The following NRXN1 variants were observed in gnomAD, a reference collection of about 807,000 sequenced individuals.
The protein encoded by NRXN1 is neurexin 1.
Under a neutral mutation model 150.9 loss-of-function variants are expected in NRXN1, and 39 were observed. The observed-to-expected ratio is 0.26, with a 90% confidence interval of 0.20 to 0.34. The LOEUF (loss-of-function observed/expected upper bound fraction) is 0.34. NRXN1 is among the 10% of genes least tolerant of loss of function. The probability of loss-of-function intolerance (pLI) is 1.00; values close to 1 mark genes in which losing one functional copy is unlikely to be tolerated. For synonymous variants in NRXN1, 924 were observed against 757.0 expected (o/e 1.22, Z -3.62); for missense variants, 1,815 against 1,949.9 (o/e 0.93, Z 1.30).
intron 21 of NRXN1, among the ~76,000 whole-genome samples, chr2:50,022,379 T>C (rs1029743756): frequency 3.3e-5 from 5 of 152,228 alleles, no homozygotes; most frequent in Non-Finnish European, 7.3e-5. Context: ...CCTTAGTACT[T>C]TCTGATTTAA....
intron 5 of NRXN1, among the ~76,000 whole-genome samples, chr2:50,897,741 A>T (rs1190175798): frequency 6.6e-6 from 1 of 152,180 alleles, no homozygotes; most frequent in African/African-American, 2.4e-5. Context: ...GTGGTTGCCC[A>T]GATCCAAGGG....
chr2:50,056,677 T>C (rs956114345), intron 19 of NRXN1, among the ~76,000 whole-genome samples: 1 of 152,110 alleles, frequency 6.6e-6, no homozygotes, highest in Admixed American at 6.6e-5. Context: ...TATGCATATT[T>C]GGAATTTTTT....
intron 21 of NRXN1, among the ~76,000 whole-genome samples, chr2:49,971,975 T>G (rs550551238): frequency 6.6e-5 from 10 of 152,302 alleles, no homozygotes; most frequent in African/African-American, 2.4e-4. Flanking sequence ...CTACATTAAT[T>G]AATGTATTAA....
At chr2:50,980,178 C>T (rs1696562376) in intron 2 of NRXN1, among the ~76,000 whole-genome samples, 1 of 152,156 alleles carries the variant, frequency 6.6e-6, no homozygotes, top group East Asian at 1.9e-4. Flanking sequence ...TTTCTTAGCT[C>T]ACTGCAACCT....
In NRXN1 at chr2:50,497,504, A is replaced by G; in HGVS notation, c.2708T>C (p.Ile903Thr). The change falls in exon 14 of 23, where the codon ATA becomes ACA. Residue 903 changes from isoleucine (I) to threonine (T), a missense_variant. Around this residue, in one of 6 missense-constraint regions of NRXN1, gnomAD observed 339 missense variants for 440.3 expected, o/e 0.77. Coordinates refer to ENST00000401669, the MANE Select transcript of NRXN1 (RefSeq NM_001330078.2). ...GGTCTTGAAGGTGACAGGATCTGCT[A>G]TGATGTTCCTGAAGCCAAATCTGGC... ...LNARFGFRNI[I>T]ADPVTFKTKS... 5 of 1,613,940 alleles carry G rather than the reference A, an allele frequency of 3.1e-6. No homozygotes were observed. The highest frequency in any genetic ancestry group is 4.2e-6 in the Non-Finnish European group (5 of 1,179,854).
chr2:50,108,678 A>T (rs1243161073), intron 18 of NRXN1, among the ~76,000 whole-genome samples: 1 of 152,168 alleles, frequency 6.6e-6, no homozygotes, highest in Non-Finnish European at 1.5e-5. Context: ...TTGGTAAACT[A>T]GAACAATCCG....
intron 2 of NRXN1, among the ~76,000 whole-genome samples, chr2:50,946,933 T>C (rs1228944402): frequency 6.6e-6 from 1 of 152,184 alleles, no homozygotes; most frequent in African/African-American, 2.4e-5. Flanking sequence ...GAAAAATAAC[T>C]GCATAGTTCA....
chr2:50,699,458 A>G (rs532643693), intron 5 of NRXN1, among the ~76,000 whole-genome samples: 6 of 152,240 alleles, frequency 3.9e-5, no homozygotes, highest in African/African-American at 1.4e-4. Flanking sequence ...TGTTTGGAGC[A>G]GGAGAGAAGT....
At chr2:50,312,155 G>C (rs546385535) in intron 17 of NRXN1, among the ~76,000 whole-genome samples, 1 of 152,096 alleles carries the variant, frequency 6.6e-6, no homozygotes, top group African/African-American at 2.4e-5. Flanking sequence ...TCCTGAGAAA[G>C]ACTCCTAATA....
chr2:50,458,757 T>G (rs2087853821), intron 17 of NRXN1, among the ~76,000 whole-genome samples: 1 of 152,038 alleles, frequency 6.6e-6, no homozygotes. Flanking sequence ...TTTTTTTGTA[T>G]TTTTAGTAGA....
At chr2:51,030,070 C>G (rs150889060) in intron 1 of NRXN1, among the ~76,000 whole-genome samples, 191 of 152,110 alleles carry the variant, frequency 1.3e-3, no homozygotes, top group African/African-American at 4.3e-3. Flanking sequence ...CAACTCTAAT[C>G]TGACAGGTTC....
At chr2:50,926,890 T>C (rs995923019) in intron 2 of NRXN1, among the ~76,000 whole-genome samples, 14 of 151,906 alleles carry the variant, frequency 9.2e-5, no homozygotes. Flanking sequence ...ATAATCAATA[T>C]AAATATATAA....
intron 21 of NRXN1, among the ~76,000 whole-genome samples, chr2:49,965,108 G>A (rs753577800): frequency 2.0e-4 from 30 of 151,884 alleles, no homozygotes; most frequent in Non-Finnish European, 3.7e-4. Flanking sequence ...TCAAACTCCT[G>A]AGCTCCAATG....
intron 17 of NRXN1, among the ~76,000 whole-genome samples, chr2:50,324,713 G>GTA (rs1558527029): frequency 6.6e-6 from 1 of 152,106 alleles, no homozygotes; most frequent in Non-Finnish European, 1.5e-5. Flanking sequence ...GGCTAAGTGT[G>GTA]TAAGTCATTT....
chr2:50,904,527 G>C (rs1357696794), intron 5 of NRXN1, among the ~76,000 whole-genome samples: 2 of 152,052 alleles, frequency 1.3e-5, no homozygotes, highest in African/African-American at 4.8e-5. Flanking sequence ...GCAGTAAACT[G>C]CTGATGCAAT....
At chr2:50,150,759 A>G (rs1357142640) in intron 18 of NRXN1, among the ~76,000 whole-genome samples, 8 of 151,732 alleles carry the variant, frequency 5.3e-5, no homozygotes, top group Admixed American at 5.3e-4. Flanking sequence ...TTCCCATATC[A>G]CATCCAAATG....
chr2:50,460,197 T>A (rs1488209672), intron 17 of NRXN1, among the ~76,000 whole-genome samples: 3 of 152,060 alleles, frequency 2.0e-5, no homozygotes, highest in African/African-American at 7.2e-5. Flanking sequence ...ATAAGATCGA[T>A]GATGAAGAGT....
chr2:50,019,810 T>G (rs1166900856), intron 21 of NRXN1, among the ~76,000 whole-genome samples: 4 of 148,764 alleles, frequency 2.7e-5, no homozygotes, highest in Non-Finnish European at 5.9e-5. Flanking sequence ...TAGCTGGGCA[T>G]GGTGGCGGGC....
chr2:50,822,330 T>C (rs1669855173), intron 5 of NRXN1, among the ~76,000 whole-genome samples: 2 of 152,170 alleles, frequency 1.3e-5, no homozygotes, highest in African/African-American at 2.4e-5. Context: ...AAGTCATGCT[T>C]TTATTAAAGA....
Sources: gnomAD v4.1 joint callset for allele counts (sites outside exome capture counted in the v4.1 genomes callset) on GRCh38, gnomAD v4.1.1 for gene constraint, gnomAD v4.1.1 regional missense constraint, MANE v1.5 for transcripts, NCBI Gene and HGNC (gene_info 2026-07-23, HGNC 2026-07-21) for gene names.